Variants in DLGAP2 observed in about 807,000 individuals in gnomAD.
The protein encoded by DLGAP2 is DLG associated protein 2, also known as disks large-associated protein 2.
DLGAP2 carries 26 observed loss-of-function variants against 100.3 expected under a neutral mutation model. That is an observed-to-expected ratio of 0.26 (90% CI 0.19 to 0.36). The LOEUF (loss-of-function observed/expected upper bound fraction) is 0.36, where lower values mean the gene tolerates loss of function less well. DLGAP2 is among the 10% of genes least tolerant of loss of function. The pLI is 1.00. For missense variants in DLGAP2, 1,858 were observed against 1,453.2 expected (o/e 1.28, Z -4.53); for synonymous variants, 886 against 630.1 (o/e 1.41, Z -6.08).
At chr8:1,242,574 G>A (rs1010869216) in intron 2 of DLGAP2, among the ~76,000 whole-genome samples, 7 of 152,230 alleles carry the variant, frequency 4.6e-5, no homozygotes, top group African/African-American at 2.4e-5. Flanking sequence ...TGCAGAAGGA[G>A]GCCCACCCTC....
At chr8:1,077,853 C>T (rs571947681) in intron 2 of DLGAP2, among the ~76,000 whole-genome samples, 13 of 152,272 alleles carry the variant, frequency 8.5e-5, no homozygotes, top group African/African-American at 2.6e-4. Flanking sequence ...GGTGACACAG[C>T]GGAGCTCACA....
chr8:1,660,744 A>T (rs1798391386), intron 8 of DLGAP2, among the ~76,000 whole-genome samples: 7 of 152,254 alleles, frequency 4.6e-5, no homozygotes, highest in Admixed American at 4.6e-4. Flanking sequence ...ACCAGGACAC[A>T]TATTCCCTCC....
chr8:1,580,241 A>G (rs1803176048), intron 6 of DLGAP2, among the ~76,000 whole-genome samples: 1 of 152,242 alleles, frequency 6.6e-6, no homozygotes, highest in South Asian at 2.1e-4. Flanking sequence ...GCAGCGGCAC[A>G]GTGGGCCTGG....
At chr8:994,980 A>G (rs925300571) in intron 2 of DLGAP2, among the ~76,000 whole-genome samples, 71 of 152,226 alleles carry the variant, frequency 4.7e-4, no homozygotes, top group Non-Finnish European at 2.2e-4. Context: ...AGTACCTGAA[A>G]TAGGTATTCT....
chr8:884,039 A>G (rs1584860537), intron 1 of DLGAP2, among the ~76,000 whole-genome samples: 1 of 152,190 alleles, frequency 6.6e-6, no homozygotes, highest in Admixed American at 6.5e-5. Flanking sequence ...CCAGTCTATC[A>G]TTGATGGGCA....
At chr8:1,126,771 G>T (rs1216965083) in intron 2 of DLGAP2, among the ~76,000 whole-genome samples, 2 of 152,118 alleles carry the variant, frequency 1.3e-5, no homozygotes, top group African/African-American at 4.8e-5. Context: ...AGAGACTCTT[G>T]AGGGGTCCAG....
chr8:1,438,369 C>T (rs558053097), intron 3 of DLGAP2, among the ~76,000 whole-genome samples: 1 of 152,214 alleles, frequency 6.6e-6, no homozygotes, highest in Non-Finnish European at 1.5e-5. Flanking sequence ...TCTTAAATCT[C>T]ATCAGATTCG....
chr8:1,696,474 G>A (rs1443911635), intron 13 of DLGAP2, among the ~76,000 whole-genome samples: 4 of 152,136 alleles, frequency 2.6e-5, no homozygotes, highest in Admixed American at 2.6e-4. Context: ...CTCCAGCCTG[G>A]GCGACAGAGA....
chr8:1,549,252 C>T lies in DLGAP2; in HGVS notation c.799C>T (p.His267Tyr), dbSNP rs954550122. 1 of 1,609,496 alleles carries T rather than the reference C, an allele frequency of 6.2e-7. No individual in the cohort carries two copies. The highest frequency in any genetic ancestry group is 1.3e-5 in the African/African-American group (1 of 74,882). ...TKADGRADDH[H>Y]HAHHAKHSKR... ...GGCGGACGGCCGGGCGGACGACCAC[C>T]ACCACGCCCACCACGCCAAGCACAG... The change falls in exon 5 of 15, where the codon CAC becomes TAC. Residue 267 changes from histidine to tyrosine, a missense_variant. His to Tyr is a moderately conservative substitution (Grantham distance 83). Transcript: ENST00000637795.
intron 2 of DLGAP2, among the ~76,000 whole-genome samples, chr8:1,021,956 G>C (rs567127951): frequency 6.6e-6 from 1 of 152,166 alleles, no homozygotes; most frequent in South Asian, 2.1e-4. Context: ...GCCAGTATTA[G>C]GAAAGGGCCT....
At chr8:1,557,330 G>C (rs778455053) in intron 5 of DLGAP2, among the ~76,000 whole-genome samples, 26 of 152,082 alleles carry the variant, frequency 1.7e-4, no homozygotes, top group Admixed American at 1.6e-3. Context: ...GGCTATAACT[G>C]TGCCTGCCTG....
intron 2 of DLGAP2, among the ~76,000 whole-genome samples, chr8:1,097,354 G>C (rs111262332): frequency 3.8e-3 from 198 of 51,776 alleles, no homozygotes; most frequent in South Asian, 8.3e-3. Flanking sequence ...TGAGACCCAC[G>C]TCCCTGTGCT....
chr8:973,998 G>A (rs1800097962), intron 2 of DLGAP2, among the ~76,000 whole-genome samples: 1 of 152,022 alleles, frequency 6.6e-6, no homozygotes, highest in Admixed American at 6.5e-5. Flanking sequence ...TTTTAAAAAT[G>A]GAACAGAATA....
chr8:1,197,438 A>G (rs1797775813), intron 2 of DLGAP2, among the ~76,000 whole-genome samples: 2 of 152,246 alleles, frequency 1.3e-5, no homozygotes, highest in South Asian at 4.1e-4. Context: ...ATGCTGTAGA[A>G]AAAGGGCTAC....
Position 1,701,536 on chromosome 8 carries a change from C to T in DLGAP2, c.*130C>T, listed in dbSNP as rs375883543. 197 of 1,016,942 alleles carry T rather than the reference C, an allele frequency of 1.9e-4. No homozygotes were observed. In the African/African-American group the frequency reaches 3.0e-3, roughly 15 times the overall value. 63.0% of individuals were successfully genotyped at this position (1,016,942 alleles called of 1,614,324 possible). A position where few individuals can be genotyped will look rare whatever the true frequency, so the allele number is the denominator to read the frequency against. ...CCTCGCTCCCGCGCTCCCCGCGCCCCGGACACAGCGGGACGCGGCCGGCGG... is the reference window on the plus strand; with the variant it reads ...CCTCGCTCCCGCGCTCCCCGCGCCCTGGACACAGCGGGACGCGGCCGGCGG... On this transcript the variant is annotated 3_prime_UTR_variant, in exon 15 of 15. Coordinates refer to ENST00000637795, the MANE Select transcript of DLGAP2 (RefSeq NM_001346810.2).
Position 1,701,380 on chromosome 8 carries a change from A to C in DLGAP2, c.3142A>C (p.Ile1048Leu), listed in dbSNP as rs1272383738. The C allele has an allele frequency of 6.3e-7, 1 of 1,597,154 alleles. No individual in the cohort carries two copies. Among genetic ancestry groups the C allele is most frequent in the Non-Finnish European group, 8.5e-7 (1 of 1,172,836 alleles). ...SERADSIEIY[I>L]PEAQTRL is the part of the protein sequence containing the mutation. ...GCGCGCGGACAGCATCGAGATCTACATCCCCGAGGCCCAGACCCGGCTCTG... is the reference window on the plus strand; with the variant it reads ...GCGCGCGGACAGCATCGAGATCTACCTCCCCGAGGCCCAGACCCGGCTCTG... The change falls in exon 15 of 15, where the codon ATC becomes CTC. Residue 1048 changes from isoleucine to leucine, a missense_variant. Transcript: ENST00000637795.
At chr8:1,661,817 TA>T (rs1384746854) in intron 8 of DLGAP2, among the ~76,000 whole-genome samples, 1 of 152,204 alleles carries the variant, frequency 6.6e-6, no homozygotes, top group Non-Finnish European at 1.5e-5. Context: ...TATGTTTATC[TA>T]AAGAAACCCA....
intron 14 of DLGAP2, among the ~76,000 whole-genome samples, chr8:1,698,477 C>T (rs1164114467): frequency 6.6e-6 from 1 of 151,276 alleles, no homozygotes; most frequent in Admixed American, 6.6e-5. Flanking sequence ...TCCACGTAAG[C>T]CATGCGTGGG....
chr8:836,420 G>A (rs1468510861), intron 1 of DLGAP2, among the ~76,000 whole-genome samples: 1 of 152,190 alleles, frequency 6.6e-6, no homozygotes, highest in Non-Finnish European at 1.5e-5. Context: ...TGGATGGGGC[G>A]ATGCTCTGTA....
Sources: allele counts gnomAD v4.1 joint callset (sites outside exome capture counted in the v4.1 genomes callset), GRCh38; gene constraint gnomAD v4.1.1; transcripts MANE v1.5; gene names NCBI Gene and HGNC (gene_info 2026-07-23, HGNC 2026-07-21).